The following BFSP2 variants were observed in gnomAD, a reference collection of about 807,000 sequenced individuals.
BFSP2 encodes the protein beaded filament structural protein 2.
A neutral mutation model predicts 44.9 loss-of-function variants in BFSP2; 38 were observed. The ratio of observed to expected loss-of-function variants is 0.85; its 90% CI spans 0.65 to 1.11. BFSP2 has a LOEUF of 1.11. Ranked by LOEUF, BFSP2 falls within the 50% of genes least tolerant of loss-of-function variation. The pLI is 0.00. For missense variants in BFSP2, 525 were observed against 533.0 expected (o/e 0.99, Z 0.15); for synonymous variants, 197 against 209.9 (o/e 0.94, Z 0.53).
chr3:133,470,371 G>T (rs957990034), intron 5 of BFSP2, among the ~76,000 whole-genome samples: 1 of 152,198 alleles, frequency 6.6e-6, no homozygotes, highest in Non-Finnish European at 1.5e-5. Context: ...GGTGTAAAAA[G>T]TCTCCTCCTG....
chr3:133,472,563 C>G lies in BFSP2; in HGVS notation c.1242C>G (p.Ser414Arg). The G allele has an allele frequency of 6.2e-7, 1 of 1,611,606 alleles. No individual in the cohort carries two copies. The highest frequency in any genetic ancestry group is 8.5e-7 in the Non-Finnish European group (1 of 1,179,752). The change falls in exon 6 of 7, where the codon AGC becomes AGG. Residue 414 changes from serine to arginine, a missense_variant and splice_region_variant. Coordinates refer to ENST00000302334, the MANE Select transcript of BFSP2 (RefSeq NM_003571.4). ...SYHALLDREE[S>R]G ...ACGCCCTGCTGGACAGGGAGGAGAG[C>G]GGGTAAGCCTCGCTTCCGCGTCAAT...
chr3:133,437,433 G>A (rs969876760), intron 1 of BFSP2, among the ~76,000 whole-genome samples: 3 of 152,100 alleles, frequency 2.0e-5, no homozygotes, highest in Non-Finnish European at 4.4e-5. Flanking sequence ...TGAGGCAGGA[G>A]AATTGCTTGA....
intron 1 of BFSP2, among the ~76,000 whole-genome samples, chr3:133,425,176 A>G (rs1015140474): frequency 3.9e-5 from 6 of 152,170 alleles, no homozygotes; most frequent in African/African-American, 1.4e-4. Context: ...TATTATGGTC[A>G]TTCATGAGAT....
At chr3:133,424,040 T>C (rs1300772132) in intron 1 of BFSP2, among the ~76,000 whole-genome samples, 1 of 94,812 alleles carries the variant, frequency 1.1e-5, no homozygotes, top group African/African-American at 6.2e-5. Flanking sequence ...TCTCTTCTGC[T>C]TTTTTTTTTT....
intron 1 of BFSP2, among the ~76,000 whole-genome samples, chr3:133,431,155 T>C (rs1480487803): frequency 6.6e-6 from 1 of 152,216 alleles, no homozygotes; most frequent in African/African-American, 2.4e-5. Flanking sequence ...ATTCTCAATA[T>C]ACATTTTATT....
chr3:133,449,500 T>TTTTGTTTGTTTG (rs144765332), intron 3 of BFSP2, among the ~76,000 whole-genome samples: 1 of 150,852 alleles, frequency 6.6e-6, no homozygotes, highest in African/African-American at 2.4e-5. Flanking sequence ...ACATGTGGTT[T>TTTTGTTTGTTTG]TTTGTTTGTT....
intron 1 of BFSP2, among the ~76,000 whole-genome samples, chr3:133,435,560 G>T (rs1181954161): frequency 6.6e-6 from 1 of 152,182 alleles, no homozygotes; most frequent in Admixed American, 6.5e-5. Flanking sequence ...CTCTGCTCTT[G>T]TCTGCGGCTG....
chr3:133,434,436 C>T (rs1384698134), intron 1 of BFSP2, among the ~76,000 whole-genome samples: 3 of 152,056 alleles, frequency 2.0e-5, no homozygotes, highest in East Asian at 3.9e-4. Context: ...TGAGAAACAT[C>T]GCCCATTCTC....
At chr3:133,451,862 T>G (rs2073968810) in intron 4 of BFSP2, among the ~76,000 whole-genome samples, 1 of 152,228 alleles carries the variant, frequency 6.6e-6, no homozygotes, top group African/African-American at 2.4e-5. Flanking sequence ...TGTTCTTCCC[T>G]TCTCCATCTC....
In BFSP2 at chr3:133,400,434, A is replaced by G; in HGVS notation, c.351A>G (p.Glu117=). ...AVEDLGGCLV[E]YMAKVHALEQ... is the part of the protein sequence containing the mutation. ...AGGACCTAGGGGGCTGCCTGGTGGA[A>G]TATATGGCCAAAGTGCACGCCCTTG... Residue 117 remains glutamate, a synonymous_variant, in exon 1 of 7, where the codon GAA becomes GAG. Coordinates refer to ENST00000302334, the MANE Select transcript of BFSP2 (RefSeq NM_003571.4). The surrounding 1 kb of genome is among the most constrained non-coding windows in gnomAD (Gnocchi z 4.0). 1 of 1,614,018 alleles carries G rather than the reference A, an allele frequency of 6.2e-7. No homozygotes were observed. The highest frequency in any genetic ancestry group is 8.5e-7 in the Non-Finnish European group (1 of 1,180,016).
chr3:133,457,479 A>G (rs533778625), intron 4 of BFSP2, among the ~76,000 whole-genome samples: 34 of 152,338 alleles, frequency 2.2e-4, no homozygotes, highest in Non-Finnish European at 3.7e-4. Flanking sequence ...GTTTTTTTCT[A>G]TGGGGGTCAA....
intron 1 of BFSP2, among the ~76,000 whole-genome samples, chr3:133,421,886 A>G (rs570118594): frequency 8.5e-5 from 13 of 152,224 alleles, no homozygotes; most frequent in African/African-American, 3.1e-4. Context: ...AGGCGGGTGG[A>G]TCACAAGGTC....
intron 1 of BFSP2, among the ~76,000 whole-genome samples, chr3:133,418,103 C>T (rs2619162): frequency 6.8e-6 from 1 of 146,058 alleles, no homozygotes; most frequent in Non-Finnish European, 1.5e-5. Context: ...TTAACTCACC[C>T]CTGCCCTCTA....
intron 1 of BFSP2, among the ~76,000 whole-genome samples, chr3:133,402,584 T>A (rs558519463): frequency 6.8e-4 from 103 of 152,042 alleles, no homozygotes; most frequent in African/African-American, 1.5e-3. Flanking sequence ...TCTTCTTTTT[T>A]AAAAAATCAT....
Position 133,400,202 on chromosome 3 carries a change from C to A in BFSP2, c.119C>A (p.Pro40Gln), listed in dbSNP as rs556459273. 1.9e-6 allele frequency: 3 copies of A among 1,614,114 alleles called. No homozygotes were observed. The highest frequency in any genetic ancestry group is 1.7e-5 in the Admixed American group (1 of 60,030). ...TCATCATCCTCCCTGGAGAGCCCCCCAGCCTCCAGGACCAATGCCATGAGT... is the reference window on the plus strand; with the variant it reads ...TCATCATCCTCCCTGGAGAGCCCCCAAGCCTCCAGGACCAATGCCATGAGT... ...PRSSSSLESPPASRTNAMSGL... is the reference protein window; with the variant it reads ...PRSSSSLESPQASRTNAMSGL... The change falls in exon 1 of 7, where the codon CCA (proline) becomes CAA (glutamine). Residue 40 changes from proline to glutamine, a missense_variant. Transcript: ENST00000302334. The surrounding 1 kb of genome is among the most constrained non-coding windows in gnomAD (Gnocchi z 4.0).
In BFSP2 at chr3:133,426,945, T is replaced by C. The variant is rs144346236; in HGVS notation, c.490-20372T>C. Among the ~76,000 whole-genome samples, 858 of 152,340 alleles carry C rather than the reference T, an allele frequency of 5.6e-3. 9 individuals carry two copies. Among genetic ancestry groups the C allele is most frequent in the African/African-American group, 0.019 (806 of 41,578 alleles). On this transcript the variant is annotated intron_variant, in intron 1 of 6. Coordinates refer to ENST00000302334, the MANE Select transcript of BFSP2 (RefSeq NM_003571.4). ...AGTACTGAGTGGGAGATGGAAAGCA[T>C]GCATTTGCTTCCTTTCCAGACAGGC...
chr3:133,438,633 G>A (rs992098668), intron 1 of BFSP2, among the ~76,000 whole-genome samples: 1 of 152,100 alleles, frequency 6.6e-6, no homozygotes, highest in Non-Finnish European at 1.5e-5. Context: ...GTCTCTAGAA[G>A]GTCTTCAGTG....
At chr3:133,405,430 A>C (rs1273857029) in intron 1 of BFSP2, among the ~76,000 whole-genome samples, 2 of 152,202 alleles carry the variant, frequency 1.3e-5, no homozygotes, top group African/African-American at 2.4e-5. Context: ...ATACTCAGGG[A>C]ATCTGCCTAC....
intron 1 of BFSP2, among the ~76,000 whole-genome samples, chr3:133,439,563 C>A (rs887054270): frequency 3.3e-5 from 5 of 152,160 alleles, no homozygotes; most frequent in Admixed American, 3.3e-4. Flanking sequence ...CCTAGCACAG[C>A]CTGAGCCAGG....
Sources: gnomAD v4.1 joint callset for allele counts (sites outside exome capture counted in the v4.1 genomes callset) on GRCh38, gnomAD v4.1.1 for gene constraint, Gnocchi (gnomAD v3.1) non-coding constraint, MANE v1.5 for transcripts, NCBI Gene and HGNC (gene_info 2026-07-23, HGNC 2026-07-21) for gene names.